Variants in FAM184A observed in about 807,000 individuals in gnomAD.
FAM184A encodes the protein protein FAM184A.
FAM184A carries 99 observed loss-of-function variants against 143.8 expected under a neutral mutation model. That is an observed-to-expected ratio of 0.69 (90% CI 0.58 to 0.81). The LOEUF (loss-of-function observed/expected upper bound fraction) is 0.81. Among genes scored for constraint, FAM184A ranks in the 40% least tolerant of loss-of-function variants. The probability of loss-of-function intolerance (pLI) is 0.00; values close to 1 mark genes in which losing one functional copy is unlikely to be tolerated. For synonymous variants in FAM184A, 427 were observed against 446.4 expected (o/e 0.96, Z 0.55); for missense variants, 1,217 against 1,310.5 (o/e 0.93, Z 1.10).
intron 1 of FAM184A, among the ~76,000 whole-genome samples, chr6:119,047,987 T>C (rs975445211): frequency 2.6e-5 from 4 of 152,148 alleles, no homozygotes; most frequent in Admixed American, 6.5e-5. Context: ...CTTAACAAAA[T>C]ACTTGCAAAC....
chr6:119,003,887 A>C lies in FAM184A; in HGVS notation c.1816-265T>G, dbSNP rs182493683. Among the ~76,000 whole-genome samples, 6 of 152,358 alleles carry C rather than the reference A, an allele frequency of 3.9e-5. No individual in the cohort carries two copies. In the East Asian group the frequency reaches 7.7e-4, roughly 20 times the overall value. On this transcript the variant is annotated intron_variant, in intron 7 of 17. Coordinates refer to ENST00000338891, the MANE Select transcript of FAM184A (RefSeq NM_024581.6). ...ATTTAAATAGTTTAAAGTCAGCATT[A>C]ATCATCTTAATTACACTTTCCATAT...
At chr6:119,057,034 T>G (rs1485466454) in intron 1 of FAM184A, among the ~76,000 whole-genome samples, 2 of 152,240 alleles carry the variant, frequency 1.3e-5, no homozygotes, top group Non-Finnish European at 1.5e-5. Flanking sequence ...AATCAGACCT[T>G]GAGCAGTAGG....
At chr6:119,089,719 T>C (rs1435128750) in intron 1 of FAM184A, among the ~76,000 whole-genome samples, 1 of 152,224 alleles carries the variant, frequency 6.6e-6, no homozygotes, top group African/African-American at 2.4e-5. Flanking sequence ...GTACACAAAA[T>C]AAGCCTAAAT....
intron 9 of FAM184A, among the ~76,000 whole-genome samples, chr6:118,987,205 C>A (rs988982313): frequency 3.9e-5 from 6 of 152,136 alleles, no homozygotes; most frequent in African/African-American, 1.2e-4. Context: ...TACAGTCATA[C>A]CTATTCGTTT....
intron 1 of FAM184A, among the ~76,000 whole-genome samples, chr6:119,032,557 G>A (rs1044716844): frequency 4.3e-5 from 6 of 139,076 alleles, no homozygotes; most frequent in Middle Eastern, 3.8e-3. Context: ...GGAAGAGAAG[G>A]AGAAGGAGAA....
chr6:119,027,363 C>G (rs539136066), intron 1 of FAM184A, among the ~76,000 whole-genome samples: 1 of 152,322 alleles, frequency 6.6e-6, no homozygotes, highest in East Asian at 1.9e-4. Context: ...TCTAAATTGA[C>G]TGAGACCTGT....
At chr6:118,984,940 TA>T (rs1562461390) in intron 9 of FAM184A, among the ~76,000 whole-genome samples, 1 of 152,202 alleles carries the variant, frequency 6.6e-6, no homozygotes, top group Non-Finnish European at 1.5e-5. Flanking sequence ...AGTGGTTCGT[TA>T]TGAAAATTTT....
At chr6:119,022,673 G>A (rs1015483292) in intron 3 of FAM184A, among the ~76,000 whole-genome samples, 4 of 152,006 alleles carry the variant, frequency 2.6e-5, no homozygotes, top group African/African-American at 9.7e-5. Context: ...TCAGGAGTTC[G>A]AGACCAGCCT....
intron 1 of FAM184A, among the ~76,000 whole-genome samples, chr6:119,085,085 T>G (rs1788181971): frequency 6.6e-6 from 1 of 152,268 alleles, no homozygotes; most frequent in Non-Finnish European, 1.5e-5. Context: ...CATTTGCTTT[T>G]CTTTTCATTA....
At chr6:119,115,779 ATGGTG>A (rs1562156452) in intron 1 of FAM184A, among the ~76,000 whole-genome samples, 2 of 149,986 alleles carry the variant, frequency 1.3e-5, no homozygotes, top group Non-Finnish European at 3.0e-5. Flanking sequence ...CCTGACCAAC[ATGGTG>A]AAACCCCATC....
At chr6:118,966,765 T>C (rs1255124076) in intron 15 of FAM184A, 70 bp downstream of exon 15, 2 of 672,784 alleles carry the variant, frequency 3.0e-6, no homozygotes, top group East Asian at 2.7e-5. Context: ...CTTAAAAAGA[T>C]TGTCCCATAT....
At chr6:118,998,021 CTGAG>C (rs1284826841) in intron 9 of FAM184A, among the ~76,000 whole-genome samples, 2 of 152,130 alleles carry the variant, frequency 1.3e-5, no homozygotes, top group Non-Finnish European at 1.5e-5. Context: ...CCCTTTCCTA[CTGAG>C]TATGAAAAAT....
intron 1 of FAM184A, among the ~76,000 whole-genome samples, chr6:119,135,981 A>T (rs1789648845): frequency 1.3e-5 from 2 of 151,558 alleles, no homozygotes; most frequent in African/African-American, 4.8e-5. Context: ...AAAAAAAAGC[A>T]GAAAGAATAT....
intron 1 of FAM184A, among the ~76,000 whole-genome samples, chr6:119,137,314 G>A (rs913192708): frequency 7.9e-6 from 1 of 125,804 alleles, no homozygotes; most frequent in Non-Finnish European, 1.9e-5. Context: ...GCCAGATAGA[G>A]AGAGACAGAG....
At chr6:119,067,950 C>T (rs748634456) in intron 1 of FAM184A, among the ~76,000 whole-genome samples, 1 of 151,732 alleles carries the variant, frequency 6.6e-6, no homozygotes, top group African/African-American at 2.4e-5. Context: ...CCAGCCTGGG[C>T]AACATAGCCA....
At chr6:119,029,201 G>A (rs952180417) in intron 1 of FAM184A, among the ~76,000 whole-genome samples, 15 of 152,134 alleles carry the variant, frequency 9.9e-5, no homozygotes, top group African/African-American at 3.6e-4. Flanking sequence ...AATCCAAAGA[G>A]AGAACTAAGT....
At chr6:119,034,019 AATAT>A (rs1166841690) in intron 1 of FAM184A, among the ~76,000 whole-genome samples, 116 of 63,504 alleles carry the variant, frequency 1.8e-3, no homozygotes, top group Middle Eastern at 0.014. Flanking sequence ...AAAAAAAAAA[AATAT>A]ATATATATAT....
rs573417262 is a variant in FAM184A, at chr6:118,994,322, C to A, written c.2088+8577G>T. On this transcript the variant is annotated intron_variant, in intron 9 of 17. Transcript: ENST00000338891. ...AATTTCTTACTACTGATTTCAATAC[C>A]TCGAGTTAAAATAAATAAATAAATA... 2.1e-5 allele frequency among the ~76,000 whole-genome samples: 3 copies of A among 143,522 alleles called. No homozygotes were observed. In the South Asian group the frequency reaches 6.9e-4, roughly 33 times the overall value. 94.2% of individuals were successfully genotyped at this position (143,522 alleles called of 152,430 possible).
chr6:118,979,536 C>G lies in FAM184A; in HGVS notation c.2302-18G>C. 6.4e-7 allele frequency: 1 copy of G among 1,574,514 alleles called. No individual in the cohort carries two copies. The highest frequency in any genetic ancestry group is 8.6e-7 in the Non-Finnish European group (1 of 1,162,948). On this transcript the variant is annotated intron_variant, in intron 10 of 17. Coordinates refer to ENST00000338891, the MANE Select transcript of FAM184A (RefSeq NM_024581.6). ...TCAAGAGCCTAGAACAAGACAAATT[C>G]AAATTATTATGCTAGAATATAGGAA...
Sources: allele counts gnomAD v4.1 joint callset (sites outside exome capture counted in the v4.1 genomes callset), GRCh38; gene constraint gnomAD v4.1.1; transcripts MANE v1.5; gene names NCBI Gene and HGNC (gene_info 2026-07-23, HGNC 2026-07-21).